NACC2: variants seen among roughly 807,000 people sequenced by gnomAD.
NACC2 encodes nucleus accumbens-associated protein 2.
NACC2 carries 8 observed loss-of-function variants against 25.1 expected under a neutral mutation model. The observed-to-expected ratio is 0.32, with a 90% CI of 0.19 to 0.57. The LOEUF is 0.57. Ranked by LOEUF, NACC2 falls within the 20% of genes least tolerant of loss-of-function variation. The pLI is 0.89. For synonymous variants in NACC2, 435 were observed against 294.7 expected, an observed-to-expected ratio of 1.48 and a Z score of -4.88; for missense variants, 644 against 650.2, an observed-to-expected ratio of 0.99 and a Z score of 0.10.
intron 1 of NACC2, among the ~76,000 whole-genome samples, chr9:136,088,940 A>T (rs1021536167): frequency 6.6e-6 from 1 of 152,262 alleles, no homozygotes; most frequent in African/African-American, 2.4e-5. Flanking sequence ...TTGCAAGTTA[A>T]TATCAGCCTC....
chr9:136,076,923 G>A (rs954838858), intron 1 of NACC2, among the ~76,000 whole-genome samples: 12 of 151,360 alleles, frequency 7.9e-5, no homozygotes, highest in South Asian at 2.1e-4. Context: ...GGAGAATGGC[G>A]TGAACCCAGG....
chr9:136,026,964 C>A (rs2131144295), intron 2 of NACC2, among the ~76,000 whole-genome samples: 1 of 152,320 alleles, frequency 6.6e-6, no homozygotes, highest in Admixed American at 6.5e-5. Context: ...TGCAGTAGCT[C>A]ATGCCTGTAA....
In NACC2 at chr9:136,016,362, C is replaced by A. The variant is rs1316336186; in HGVS notation, c.954G>T (p.Val318=). 6.2e-7 allele frequency: 1 copy of A among 1,612,048 alleles called. No individual in the cohort carries two copies. The highest frequency in any genetic ancestry group is 8.5e-7 in the Non-Finnish European group (1 of 1,179,974). The change falls in exon 3 of 6, where the codon GTG becomes GTT. Residue 318 remains valine, a synonymous_variant. Coordinates refer to ENST00000277554, the MANE Select transcript of NACC2 (RefSeq NM_144653.5). ...GGCTGATGAGGCTGGCAGGTAGGGC[C>A]ACGAGGTCGCGGCGGATGAGGACGC... is the stretch of plus-strand genomic sequence containing the variant. ...RSCVLIRRDL[V]ALPASLISQI...
intron 2 of NACC2, among the ~76,000 whole-genome samples, chr9:136,023,672 A>G (rs1840331861): frequency 6.6e-6 from 1 of 152,134 alleles, no homozygotes. Context: ...CTCTACATCC[A>G]TCCACACGTT....
At chr9:136,052,922 C>T (rs1840868886) in intron 1 of NACC2, among the ~76,000 whole-genome samples, 1 of 152,222 alleles carries the variant, frequency 6.6e-6, no homozygotes, top group African/African-American at 2.4e-5. Context: ...ATCCTGGGCT[C>T]ATACCAGCCT....
intron 1 of NACC2, among the ~76,000 whole-genome samples, chr9:136,052,754 G>A (rs926485355): frequency 1.3e-5 from 2 of 152,234 alleles, no homozygotes; most frequent in Non-Finnish European, 2.9e-5. Context: ...CGGCCGCCTC[G>A]CTCCTCCCGC....
intron 2 of NACC2, among the ~76,000 whole-genome samples, chr9:136,029,602 G>A (rs1458955339): frequency 2.0e-5 from 3 of 152,210 alleles, no homozygotes; most frequent in South Asian, 2.1e-4. Flanking sequence ...CAGGAGGTCC[G>A]TGAGCCGGGG....
intron 1 of NACC2, among the ~76,000 whole-genome samples, chr9:136,052,456 G>T (rs1445373554): frequency 6.6e-6 from 1 of 151,946 alleles, no homozygotes; most frequent in Non-Finnish European, 1.5e-5. Context: ...GGGGTGAGGG[G>T]GTCAGGACAG....
Position 136,020,295 on chromosome 9 carries a change from G to A in NACC2, c.887-3866C>T, listed in dbSNP as rs766342892. Among the ~76,000 whole-genome samples, 2 of 152,164 alleles carry A rather than the reference G, an allele frequency of 1.3e-5. No individual in the cohort carries two copies. The highest frequency in any genetic ancestry group is 2.4e-5 in the African/African-American group (1 of 41,434). On this transcript the variant is annotated intron_variant, in intron 2 of 5. Transcript: ENST00000277554. The surrounding 1 kb of genome is among the most constrained non-coding windows in gnomAD (Gnocchi z 4.7). ...CTCAACTCCCTGGGTTACTGATTGG[G>A]TTCTGAGGTGCTCCACGTCCTCACC...
intron 1 of NACC2, among the ~76,000 whole-genome samples, chr9:136,087,450 C>T (rs913335243): frequency 7.2e-5 from 11 of 152,210 alleles, no homozygotes; most frequent in African/African-American, 9.7e-5. Flanking sequence ...CAGACTCCCA[C>T]GGGGACCCCC....
intron 1 of NACC2, among the ~76,000 whole-genome samples, chr9:136,072,956 G>A (rs56027452): frequency 0.034 from 5,152 of 152,152 alleles, 126 homozygotes; most frequent in Admixed American, 0.054. Context: ...TGTAGAATCC[G>A]GGGCTAGGCA....
intron 1 of NACC2, among the ~76,000 whole-genome samples, chr9:136,058,710 A>G (rs1469677434): frequency 6.6e-6 from 1 of 152,186 alleles, no homozygotes; most frequent in Non-Finnish European, 1.5e-5. Context: ...AAACCTGTAC[A>G]CGTATCTCTG....
At chr9:136,012,672 T>C (rs1420159409) in intron 5 of NACC2, among the ~76,000 whole-genome samples, 4 of 116,816 alleles carry the variant, frequency 3.4e-5, no homozygotes, top group South Asian at 2.5e-4. Context: ...TTTTTTTTTT[T>C]TCTTTTTTTT....
rs549425149 is a variant in NACC2, at chr9:136,057,105, G to A, written c.-59-6525C>T. Among the ~76,000 whole-genome samples the A allele has an allele frequency of 3.3e-5, 5 of 152,296 alleles. No homozygotes were observed. The South Asian group carries it at 6.2e-4, about 19-fold the overall frequency. ...CATCCTCGGCAGCAGCAGGCTCTGCGTCCGATAGGGCCTTGTGGGGTGCCC... is the reference window on the plus strand; with the variant it reads ...CATCCTCGGCAGCAGCAGGCTCTGCATCCGATAGGGCCTTGTGGGGTGCCC... On this transcript the variant is annotated intron_variant, in intron 1 of 5. Transcript: ENST00000277554.
intron 1 of NACC2, among the ~76,000 whole-genome samples, chr9:136,063,894 A>C (rs1051662074): frequency 9.9e-5 from 15 of 151,518 alleles, no homozygotes; most frequent in Middle Eastern, 3.4e-3. Context: ...AAAAAAAAAA[A>C]AAACAAAAAA....
chr9:136,088,496 G>T (rs1017878974), intron 1 of NACC2, among the ~76,000 whole-genome samples: 1 of 152,116 alleles, frequency 6.6e-6, no homozygotes, highest in East Asian at 1.9e-4. Flanking sequence ...GAGCCACTGC[G>T]CATGGACATG....
intron 2 of NACC2, among the ~76,000 whole-genome samples, chr9:136,042,911 C>T (rs969086564): frequency 2.7e-5 from 4 of 149,892 alleles, no homozygotes; most frequent in African/African-American, 9.9e-5. Context: ...CACACAGAGA[C>T]ACAGAGACAA....
intron 2 of NACC2, among the ~76,000 whole-genome samples, chr9:136,041,575 T>C (rs1302988080): frequency 6.6e-6 from 1 of 152,150 alleles, no homozygotes; most frequent in Non-Finnish European, 1.5e-5. Context: ...GAGAGTAGAC[T>C]AGTGCTTGTC....
intron 1 of NACC2, among the ~76,000 whole-genome samples, chr9:136,088,103 G>A (rs1355181837): frequency 2.6e-5 from 4 of 152,192 alleles, no homozygotes; most frequent in African/African-American, 4.8e-5. Flanking sequence ...GGGGACTGTC[G>A]GGCTTGTACG....
Sources: allele counts gnomAD v4.1 joint callset (sites outside exome capture counted in the v4.1 genomes callset), GRCh38; gene constraint gnomAD v4.1.1; non-coding constraint Gnocchi (gnomAD v3.1); transcripts MANE v1.5; gene names NCBI Gene and HGNC (gene_info 2026-07-23, HGNC 2026-07-21).